The following EIF2B1 variants were observed in gnomAD, a reference collection of about 807,000 sequenced individuals.
The protein encoded by EIF2B1 is translation initiation factor eIF2B subunit alpha.
In EIF2B1, 30 loss-of-function variants were observed where a neutral mutation model predicts 36.8. The observed-to-expected ratio is 0.81, with a 90% CI of 0.61 to 1.10. EIF2B1 has a LOEUF of 1.10. Ranked by LOEUF, EIF2B1 falls within the 50% of genes least tolerant of loss-of-function variation. The probability of loss-of-function intolerance (pLI) is 0.00; values close to 1 mark genes in which losing one functional copy is unlikely to be tolerated. For missense variants in EIF2B1, 271 were observed against 374.8 expected, an observed-to-expected ratio of 0.72 and a Z score of 2.29; for synonymous variants, 139 against 142.2, an observed-to-expected ratio of 0.98 and a Z score of 0.16.
At chr12:123,623,200 G>T (rs535750192) in intron 7 of EIF2B1, among the ~76,000 whole-genome samples, 5 of 151,940 alleles carry the variant, frequency 3.3e-5, no homozygotes, top group Non-Finnish European at 2.9e-5. Flanking sequence ...GCCAATATAG[G>T]GAAACCCCAT....
chr12:123,625,701 T>A (rs1955143409), intron 6 of EIF2B1, among the ~76,000 whole-genome samples: 1 of 152,234 alleles, frequency 6.6e-6, no homozygotes, highest in African/African-American at 2.4e-5. Context: ...GACTTGGCTT[T>A]GCGACACAAG....
chr12:123,621,366 TGG>T lies in EIF2B1; in HGVS notation c.*388_*389del. On this transcript the variant is annotated 3_prime_UTR_variant, in exon 9 of 9. Transcript: ENST00000424014. ...GTCCTGACCAGCTGTTGGTCATTTG[TGG>T]CAGAGGGGTGTGGCTGCTTTTCGCC... The T allele has an allele frequency of 8.9e-6, 3 of 336,022 alleles. No individual in the cohort carries two copies. The highest frequency in any genetic ancestry group is 7.3e-5 in the South Asian group (3 of 41,352). 20.8% of individuals were successfully genotyped at this position (336,022 alleles called of 1,614,324 possible).
At chr12:123,632,564 G>C in intron 1 of EIF2B1, 118 bp from the exon 2 acceptor site, 1 of 762,482 alleles carries the variant, frequency 1.3e-6, no homozygotes, top group South Asian at 1.4e-5. Context: ...TTTCTTTTTA[G>C]GGTATTTGGT....
intron 7 of EIF2B1, 101 bp downstream of exon 7, chr12:123,624,686 C>A: frequency 9.9e-7 from 1 of 1,009,552 alleles, no homozygotes; most frequent in South Asian, 1.3e-5. Context: ...TGAAGTGAAG[C>A]AGGATTAGAA....
At chr12:123,626,809 C>G (rs1328789868) in intron 5 of EIF2B1, 1 of 685,664 alleles carries the variant, frequency 1.5e-6, no homozygotes, top group East Asian at 2.7e-5. Flanking sequence ...TTCATCAATA[C>G]AATCTCTGCT....
chr12:123,633,657 C>T lies in EIF2B1; in HGVS notation c.-100G>A. The stretch of plus-strand genomic sequence containing the variant: ...GCCTGCGAGCCAGTCTGACAGCGCG[C>T]TGCACACCTCCGCACCCCACTTCCG... On this transcript the variant is annotated 5_prime_UTR_variant, in exon 1 of 9. Transcript: ENST00000424014. 1.3e-6 allele frequency: 2 copies of T among 1,556,944 alleles called. No individual in the cohort carries two copies. The highest frequency in any genetic ancestry group is 8.8e-7 in the Non-Finnish European group (1 of 1,142,040).
At chr12:123,624,150 G>GTA (rs1223857770) in intron 7 of EIF2B1, among the ~76,000 whole-genome samples, 219 of 149,032 alleles carry the variant, frequency 1.5e-3, no homozygotes, top group African/African-American at 4.6e-3. Context: ...TATTATGTGT[G>GTA]TGTATATATA....
In EIF2B1 at chr12:123,621,603, G is replaced by GT. The variant is rs1955099163; in HGVS notation, c.*152_*153insA. 2.2e-6 allele frequency: 2 copies of GT among 927,962 alleles called. No homozygotes were observed. Among genetic ancestry groups the GT allele is most frequent in the Non-Finnish European group, 3.4e-6 (2 of 594,416 alleles). The allele number at this position is 927,962 out of a possible 1,614,324, so 57.5% of individuals were successfully genotyped here. A position where few individuals can be genotyped will look rare whatever the true frequency, so the allele number is the denominator to read the frequency against. ...TTTTAGATGGGACTGAAATGAGTAAGAAAGGTTCTCCAAGATGTATGATTT... is the reference window on the plus strand; with the variant it reads ...TTTTAGATGGGACTGAAATGAGTAAGTAAAGGTTCTCCAAGATGTATGATTT... On this transcript the variant is annotated 3_prime_UTR_variant, in exon 9 of 9. Transcript: ENST00000424014.
chr12:123,626,810 A>G (rs1375715899), intron 5 of EIF2B1: 1 of 687,358 alleles, frequency 1.5e-6, no homozygotes, highest in Non-Finnish European at 2.7e-6. Context: ...TCATCAATAC[A>G]ATCTCTGCTC....
chr12:123,632,557 C>A, intron 1 of EIF2B1, 111 bp from the exon 2 acceptor site: 3 of 782,826 alleles, frequency 3.8e-6, no homozygotes, highest in Non-Finnish European at 6.6e-6. Flanking sequence ...AAAATACTTT[C>A]TTTTTAGGGT....
chr12:123,633,396 G>A (rs1955217639), intron 1 of EIF2B1, 149 bp downstream of exon 1: 18 of 1,201,522 alleles, frequency 1.5e-5, no homozygotes, highest in Non-Finnish European at 2.2e-5. Context: ...CAGCGCGAGG[G>A]ATTTAGTTGT....
intron 7 of EIF2B1, among the ~76,000 whole-genome samples, chr12:123,623,763 T>G (rs1397099644): frequency 1.3e-5 from 2 of 152,170 alleles, no homozygotes; most frequent in African/African-American, 4.8e-5. Context: ...CGTGAGCTAC[T>G]ACGCCCGGCC....
chr12:123,628,900 G>C (rs1286341538), intron 4 of EIF2B1, among the ~76,000 whole-genome samples: 1 of 152,154 alleles, frequency 6.6e-6, no homozygotes, highest in Non-Finnish European at 1.5e-5. Flanking sequence ...GTCCTGAGTA[G>C]GTGACTGCAG....
In EIF2B1 at chr12:123,620,606, AT is replaced by A. The variant is rs1566211124; in HGVS notation, c.*1149del. 2.6e-3 allele frequency: 197 copies of A among 75,908 alleles called. 6 individuals carry two copies. The highest frequency in any genetic ancestry group is 7.3e-3 in the African/African-American group (178 of 24,492). 4.7% of individuals were successfully genotyped at this position (75,908 alleles called of 1,614,324 possible). On this transcript the variant is annotated 3_prime_UTR_variant, in exon 9 of 9. Coordinates refer to ENST00000424014, the MANE Select transcript of EIF2B1 (RefSeq NM_001414.4). ...TATATATATATATATATATATATAT[AT>A]ATATATATATATATATATATAAGCT...
At chr12:123,624,898 T>C in intron 6 of EIF2B1, 36 bp from the exon 7 acceptor site, 1 of 1,584,316 alleles carries the variant, frequency 6.3e-7, no homozygotes, top group Non-Finnish European at 8.7e-7. Flanking sequence ...CTTTATTTTC[T>C]TGGCTCTAAC....
Position 123,627,026 on chromosome 12 carries a change from G to C in EIF2B1, c.482+18C>G. On this transcript the variant is annotated intron_variant, in intron 5 of 8. Coordinates refer to ENST00000424014, the MANE Select transcript of EIF2B1 (RefSeq NM_001414.4). ...TAAAATTATGGCTGGGCACATAACT[G>C]AACAGAAAGGTACTTGCCCTGACAA... The C allele has an allele frequency of 6.2e-7, 1 of 1,607,142 alleles. No homozygotes were observed. Among genetic ancestry groups the C allele is most frequent in the South Asian group, 1.1e-5 (1 of 90,918 alleles).
chr12:123,633,367 G>A (rs770457053), intron 1 of EIF2B1, among the ~76,000 whole-genome samples, 178 bp downstream of exon 1: 5 of 151,816 alleles, frequency 3.3e-5, no homozygotes, highest in Non-Finnish European at 5.9e-5. Context: ...CTGCCAGGGC[G>A]CATCCCTGAA....
Position 123,621,622 on chromosome 12 carries a change from A to G in EIF2B1, c.*134T>C. 2 of 1,127,348 alleles carry G rather than the reference A, an allele frequency of 1.8e-6. No individual in the cohort carries two copies. Among genetic ancestry groups the G allele is most frequent in the African/African-American group, 1.5e-5 (1 of 65,156 alleles). 69.8% of individuals were successfully genotyped at this position (1,127,348 alleles called of 1,614,324 possible). A position where few individuals can be genotyped will look rare whatever the true frequency, so the allele number is the denominator to read the frequency against. ...GAGTAAGAAAGGTTCTCCAAGATGT[A>G]TGATTTTAAGTCCTTACTCCATAAA... On this transcript the variant is annotated 3_prime_UTR_variant, in exon 9 of 9. Coordinates refer to ENST00000424014, the MANE Select transcript of EIF2B1 (RefSeq NM_001414.4).
chr12:123,633,307 GA>G (rs1208265447), intron 1 of EIF2B1, among the ~76,000 whole-genome samples: 1 of 151,070 alleles, frequency 6.6e-6, no homozygotes, highest in African/African-American at 2.4e-5. Context: ...AGGCAGGAAG[GA>G]GACTGGCACT....
Sources: allele counts gnomAD v4.1 joint callset (sites outside exome capture counted in the v4.1 genomes callset), GRCh38; gene constraint gnomAD v4.1.1; transcripts MANE v1.5; gene names NCBI Gene and HGNC (gene_info 2026-07-23, HGNC 2026-07-21).